The following OPN3 variants were observed in gnomAD, a reference collection of about 807,000 sequenced individuals.
OPN3 encodes the protein opsin-3.
A neutral mutation model predicts 33.8 loss-of-function variants in OPN3; 29 were observed. That is an observed-to-expected ratio of 0.86 (90% CI 0.64 to 1.17). The LOEUF is 1.17. OPN3 is among the 50% of genes most tolerant of loss of function. OPN3 has a pLI of 0.00. For missense variants in OPN3, 437 were observed against 514.1 expected (o/e 0.85, Z 1.45); for synonymous variants, 216 against 216.1 (o/e 1.00, Z 0.00).
intron 1 of OPN3, among the ~76,000 whole-genome samples, chr1:241,611,764 C>G (rs1664008376): frequency 6.6e-6 from 1 of 152,200 alleles, no homozygotes; most frequent in South Asian, 2.1e-4. Context: ...TTTTTGTTCA[C>G]TTCCATTACA....
At chr1:241,634,191 C>T (rs770752839) in intron 1 of OPN3, 10 of 1,613,838 alleles carry the variant, frequency 6.2e-6, no homozygotes, top group Non-Finnish European at 5.1e-6. Context: ...AATTTCTTCA[C>T]CACTGATTCT....
intron 1 of OPN3, chr1:241,634,701 C>A: frequency 6.2e-7 from 1 of 1,613,858 alleles, no homozygotes; most frequent in Non-Finnish European, 8.5e-7. Context: ...GCGTTAAGAC[C>A]ATCTATTGTA....
intron 1 of OPN3, among the ~76,000 whole-genome samples, chr1:241,619,667 A>C (rs1664225443): frequency 6.6e-6 from 1 of 152,202 alleles, no homozygotes; most frequent in African/African-American, 2.4e-5. Flanking sequence ...TCACGAAGTG[A>C]GAAGCTTGTT....
At chr1:241,618,082 A>G (rs1442945099) in intron 1 of OPN3, among the ~76,000 whole-genome samples, 1 of 150,592 alleles carries the variant, frequency 6.6e-6, no homozygotes, top group East Asian at 1.9e-4. Flanking sequence ...TTTCCCCAAG[A>G]CCACAAAGTA....
chr1:241,624,859 C>G (rs1205892510), intron 1 of OPN3, among the ~76,000 whole-genome samples: 1 of 150,266 alleles, frequency 6.7e-6, no homozygotes, highest in Non-Finnish European at 1.5e-5. Flanking sequence ...CCACTTCTAC[C>G]ACTTACCAGC....
chr1:241,628,245 T>C (rs622726), intron 1 of OPN3, among the ~76,000 whole-genome samples: 114,289 of 152,024 alleles, frequency 0.75, 43,590 homozygotes, highest in African/African-American at 0.88. Context: ...TAAAAAATGT[T>C]TTAAATGCTC....
chr1:241,612,040 TTGGGTTAC>T (rs1664016026), intron 1 of OPN3, among the ~76,000 whole-genome samples: 1 of 152,208 alleles, frequency 6.6e-6, no homozygotes, highest in African/African-American at 2.4e-5. Flanking sequence ...AAAGCAAGTC[TTGGGTTAC>T]TGGTTTGTTA....
chr1:241,633,582 C>G, intron 1 of OPN3: 1 of 580,082 alleles, frequency 1.7e-6, no homozygotes, highest in Middle Eastern at 4.7e-4. Context: ...TCATATAGCC[C>G]ATTCTAAACA....
chr1:241,622,552 C>G (rs1165311856), intron 1 of OPN3, among the ~76,000 whole-genome samples: 1 of 152,208 alleles, frequency 6.6e-6, no homozygotes, highest in Admixed American at 6.5e-5. Flanking sequence ...GCCCAGAATG[C>G]AGGAGTGCTG....
At chr1:241,602,018 T>C (rs560743524) in intron 2 of OPN3, among the ~76,000 whole-genome samples, 2 of 152,288 alleles carry the variant, frequency 1.3e-5, no homozygotes, top group South Asian at 4.1e-4. Context: ...CGAGGATCTG[T>C]TAGAGGCTGG....
intron 2 of OPN3, among the ~76,000 whole-genome samples, chr1:241,599,786 A>G (rs2147997491): frequency 6.6e-6 from 1 of 152,314 alleles, no homozygotes; most frequent in South Asian, 2.1e-4. Context: ...AAGAGTAAAC[A>G]AGAAAGGAGG....
rs879107770 is a variant in OPN3, at chr1:241,635,723, C to T, written c.373+4159G>A. On this transcript the variant is annotated intron_variant, in intron 1 of 3. Transcript: ENST00000366554. ...AAGGATGGATTCGGGCAAACCTGTC[C>T]CTATTATAACCACATCAAACTCTGT... 4.3e-6 allele frequency: 7 copies of T among 1,613,622 alleles called. No homozygotes were observed. The South Asian group carries it at 6.6e-5, about 15-fold the overall frequency.
chr1:241,593,268 T>G lies in OPN3; in HGVS notation c.*1160A>C, dbSNP rs1242461271. Reference sequence around the variant, plus strand: ...CCCTCAGAAGCAATTTACTAATTTATTCTTCGACTACATACTGCAGCAGAA... The same window carrying G: ...CCCTCAGAAGCAATTTACTAATTTAGTCTTCGACTACATACTGCAGCAGAA... On this transcript the variant is annotated 3_prime_UTR_variant, in exon 4 of 4. Transcript: ENST00000366554. 3.1e-6 allele frequency: 1 copy of G among 324,052 alleles called. No individual in the cohort carries two copies. Among genetic ancestry groups the G allele is most frequent in the African/African-American group, 2.1e-5 (1 of 47,266 alleles). 20.1% of individuals were successfully genotyped at this position (324,052 alleles called of 1,614,324 possible).
intron 1 of OPN3, among the ~76,000 whole-genome samples, chr1:241,620,097 G>C (rs912409934): frequency 3.3e-5 from 5 of 152,076 alleles, no homozygotes; most frequent in Non-Finnish European, 5.9e-5. Context: ...GGGTGGGGCA[G>C]GGTTGGGGGT....
intron 1 of OPN3, among the ~76,000 whole-genome samples, chr1:241,610,235 TTC>T (rs1461953605): frequency 1.3e-5 from 2 of 152,202 alleles, no homozygotes; most frequent in Non-Finnish European, 2.9e-5. Context: ...GATACTGCTG[TTC>T]CTTCTGCCTG....
Position 241,634,462 on chromosome 1 carries a change from A to T in OPN3, c.373+5420T>A, listed in dbSNP as rs531402599. 1.1e-5 allele frequency: 18 copies of T among 1,613,772 alleles called. No individual in the cohort carries two copies. In the South Asian group the frequency reaches 1.9e-4, roughly 17 times the overall value. On this transcript the variant is annotated intron_variant, in intron 1 of 3. Transcript: ENST00000366554. ...CCTCAGAAAGGTAACTGTCTTCCAC[A>T]ATAAAATATTTAGCATTTATTCTTT... is the stretch of plus-strand genomic sequence containing the variant.
At chr1:241,610,300 A>G (rs1464107911) in intron 1 of OPN3, among the ~76,000 whole-genome samples, 2 of 152,208 alleles carry the variant, frequency 1.3e-5, no homozygotes, top group Non-Finnish European at 2.9e-5. Flanking sequence ...TAAACAAACA[A>G]TTACAGGAAT....
chr1:241,616,423 T>C (rs1664134203), intron 1 of OPN3, among the ~76,000 whole-genome samples: 1 of 152,158 alleles, frequency 6.6e-6, no homozygotes, highest in Non-Finnish European at 1.5e-5. Flanking sequence ...ACTTCCTTAG[T>C]GCATACCTCA....
At chr1:241,630,436 ACTG>A (rs1439361027) in intron 1 of OPN3, 2 of 152,130 alleles carry the variant, frequency 1.3e-5, no homozygotes, top group Non-Finnish European at 2.9e-5. Flanking sequence ...GCAGTTTGTC[ACTG>A]CTAAGATGTA....
Sources: gnomAD v4.1 joint callset for allele counts (sites outside exome capture counted in the v4.1 genomes callset) on GRCh38, gnomAD v4.1.1 for gene constraint, MANE v1.5 for transcripts, NCBI Gene and HGNC (gene_info 2026-07-23, HGNC 2026-07-21) for gene names.